Variants in AMOT observed in about 807,000 individuals in gnomAD.
AMOT encodes the protein angiomotin.
A neutral mutation model predicts 67.0 loss-of-function variants in AMOT; 11 were observed. The ratio of observed to expected loss-of-function variants is 0.16; its 90% CI spans 0.10 to 0.27. AMOT has a LOEUF of 0.27. Ranked by LOEUF, AMOT falls within the 10% of genes least tolerant of loss-of-function variation. The pLI, the probability that AMOT is intolerant of heterozygous loss-of-function variation, is 1.00. For missense variants in AMOT, 753 were observed against 852.0 expected (o/e 0.88, Z 1.45); for synonymous variants, 326 against 321.4 (o/e 1.01, Z -0.15).
chrX:112,780,684 G>A (rs1408777588), intron 12 of AMOT: 1 of 432,477 alleles, frequency 2.3e-6, no homozygotes, highest in Non-Finnish European at 4.0e-6. Context: ...GCCTCAATCG[G>A]TATTCTCACC....
Position 112,811,329 on chromosome X carries a change from CT to C in AMOT, c.1456del (p.Arg486GlufsTer4). The C allele has an allele frequency of 8.3e-7, 1 of 1,211,137 alleles. No homozygotes were observed. Among genetic ancestry groups the C allele is most frequent in the African/African-American group, 1.7e-5 (1 of 57,743 alleles). On this transcript the variant is annotated frameshift_variant, in exon 6 of 14. Transcript: ENST00000371959. LOFTEE classifies it high-confidence loss of function. ...TCTCATGGCTTTCTCTAGGGCCTCT[CT>C]TTTGGAGGATGACTTCACGAGGTTC... ...YENLVKSSSK[R>X]EALEKAMRNK... is the part of the protein sequence containing the mutation.
Position 112,823,032 on chromosome X carries a change from C to T in AMOT, c.95G>A (p.Arg32His). Residue 32 changes from arginine to histidine, a missense_variant, in exon 4 of 14, where the codon CGC (arginine) becomes CAC (histidine). Arg to His is a conservative substitution (Grantham distance 29, BLOSUM62 0). This residue lies in a region of AMOT where 118 missense variants were observed against 125.9 expected (regional missense o/e 0.94). Coordinates refer to ENST00000371959, the MANE Select transcript of AMOT (RefSeq NM_001113490.2). ...TTGCTGGTGTATGGCAAGCAGGCTG[C>T]GATTCTCACTAGGATTGCCATAGCG... ...QLRYGNPSEN[R>H]SLLAIHQQAT... 1.7e-6 allele frequency: 2 copies of T among 1,167,461 alleles called. No individual in the cohort carries two copies. The highest frequency in any genetic ancestry group is 2.3e-6 in the Non-Finnish European group (2 of 872,993).
chrX:112,794,067 T>A (rs1373612048), intron 8 of AMOT, among the ~76,000 whole-genome samples: 1 of 112,274 alleles, frequency 8.9e-6, no homozygotes, highest in East Asian at 2.8e-4. Flanking sequence ...GAATGTGAAC[T>A]ATAATTACTA....
intron 12 of AMOT, 150 bp downstream of exon 12, chrX:112,780,736 A>T: frequency 1.9e-6 from 1 of 518,644 alleles, no homozygotes; most frequent in Non-Finnish European, 3.1e-6. Context: ...ATGTGGAACT[A>T]GGGTCTCAGG....
intron 4 of AMOT, among the ~76,000 whole-genome samples, chrX:112,818,102 G>A (rs1310722070): frequency 5.4e-5 from 6 of 111,043 alleles, no homozygotes; most frequent in African/African-American, 2.0e-4. Context: ...AAATTTTAAG[G>A]GAAAAAAATC....
intron 13 of AMOT, 113 bp from the exon 14 acceptor site, chrX:112,778,777 G>C: frequency 1.4e-6 from 1 of 732,276 alleles, no homozygotes; most frequent in Non-Finnish European, 2.0e-6. Flanking sequence ...AGACTTGCCT[G>C]CCACCTCCCT....
chrX:112,791,754 C>T (rs1467564563), intron 9 of AMOT, 78 bp downstream of exon 9: 5 of 1,136,022 alleles, frequency 4.4e-6, no homozygotes, highest in Non-Finnish European at 6.0e-6. Flanking sequence ...ATGTCAAATG[C>T]TAACTGAAAA....
intron 4 of AMOT, among the ~76,000 whole-genome samples, chrX:112,816,948 T>C (rs1360651850): frequency 1.8e-5 from 2 of 112,302 alleles, no homozygotes; most frequent in African/African-American, 6.5e-5. Flanking sequence ...GGGAAACAAT[T>C]AGTATGTGGA....
At position 112,790,592 on chromosome X, in the gene AMOT, C is replaced by A. The variant is rs1477488555; in HGVS notation, c.2117G>T (p.Arg706Met). Residue 706 changes from arginine to methionine, a missense_variant and splice_region_variant, in exon 10 of 14, where the codon AGG (arginine) becomes ATG (methionine). By Grantham distance (91) the Arg-to-Met change is moderately conservative (BLOSUM62 -1). Transcript: ENST00000371959. Reference protein sequence around the residue: ...LDAAATVAAQRDTTVISHSPN... With the variant: ...LDAAATVAAQMDTTVISHSPN... ...CATGCCCTACCAGCTACCTACTTAC[C>A]TCTGAGCAGCCACAGTTGCAGCAGC... The A allele has an allele frequency of 8.3e-7, 1 of 1,200,380 alleles. No homozygotes were observed. Among genetic ancestry groups the A allele is most frequent in the Admixed American group, 2.2e-5 (1 of 45,344 alleles).
intron 8 of AMOT, among the ~76,000 whole-genome samples, chrX:112,792,959 CTCTTTAAAGAAGATATATATCTTCT>C (rs762412251): frequency 0.11 from 12,019 of 105,282 alleles, 1,048 homozygotes; most frequent in African/African-American, 0.26. Flanking sequence ...GATCTCAGAG[CTCTTTAAAGAAGATATATATCTTCT>C]TCTTTAAAGA....
At chrX:112,799,061 T>C (rs1386725977) in intron 8 of AMOT, among the ~76,000 whole-genome samples, 2 of 110,473 alleles carry the variant, frequency 1.8e-5, no homozygotes, top group African/African-American at 6.5e-5. Context: ...GTCTTAGCCA[T>C]TTGCAAGGAA....
chrX:112,826,099 G>A (rs1174656648), intron 2 of AMOT, among the ~76,000 whole-genome samples: 3 of 111,361 alleles, frequency 2.7e-5, no homozygotes, highest in Non-Finnish European at 5.6e-5. Context: ...TTTCTGCCTG[G>A]ACTCTCTGCA....
At chrX:112,823,314 A>C in intron 3 of AMOT, 126 bp from the exon 4 acceptor site, 1 of 451,387 alleles carries the variant, frequency 2.2e-6, no homozygotes, top group Non-Finnish European at 3.7e-6. Context: ...TTGACTCTAA[A>C]ATTAATAGAT....
At chrX:112,799,398 G>T (rs1383881433) in intron 8 of AMOT, among the ~76,000 whole-genome samples, 1 of 112,121 alleles carries the variant, frequency 8.9e-6, no homozygotes, top group East Asian at 2.8e-4. Flanking sequence ...AGGACATTAA[G>T]GTTAAAAATA....
At chrX:112,809,519 G>T (rs1934289299) in intron 7 of AMOT, among the ~76,000 whole-genome samples, 1 of 111,074 alleles carries the variant, frequency 9.0e-6, no homozygotes, top group Non-Finnish European at 1.9e-5. Flanking sequence ...CATCGATCCT[G>T]CATATTAATC....
At chrX:112,787,796 A>G (rs1933418240) in intron 10 of AMOT, among the ~76,000 whole-genome samples, 1 of 112,048 alleles carries the variant, frequency 8.9e-6, no homozygotes, top group Admixed American at 9.5e-5. Context: ...ATCCTGGTAG[A>G]ATACACAGAA....
At chrX:112,802,772 A>G (rs1197889683) in intron 8 of AMOT, among the ~76,000 whole-genome samples, 1 of 112,431 alleles carries the variant, frequency 8.9e-6, no homozygotes, top group Non-Finnish European at 1.9e-5. Flanking sequence ...GCCCCTGGAA[A>G]ACTACTAAAA....
At chrX:112,810,037 A>G (rs1439931009) in intron 6 of AMOT, 51 bp from the exon 7 acceptor site, 2 of 1,020,147 alleles carry the variant, frequency 2.0e-6, no homozygotes, top group Non-Finnish European at 2.8e-6. Context: ...ACTTTCATGC[A>G]CATACTATTG....
chrX:112,839,567 A>G lies in AMOT; in HGVS notation c.-289+885T>C, dbSNP rs762446319. ...CCAGGTTGTTGAAAAGTTCGTTCTA[A>G]AACATACACTAGAGATTGAAAATGC... On this transcript the variant is annotated intron_variant, in intron 1 of 13. Coordinates refer to ENST00000371959, the MANE Select transcript of AMOT (RefSeq NM_001113490.2). Among the ~76,000 whole-genome samples the G allele has an allele frequency of 2.7e-5, 3 of 111,902 alleles. No homozygotes were observed. In the East Asian group the frequency reaches 8.4e-4, roughly 31 times the overall value.
Sources: gnomAD v4.1 joint callset for allele counts (sites outside exome capture counted in the v4.1 genomes callset) on GRCh38, gnomAD v4.1.1 for gene constraint, gnomAD v4.1.1 regional missense constraint, MANE v1.5 for transcripts, NCBI Gene and HGNC (gene_info 2026-07-23, HGNC 2026-07-21) for gene names.